Variants in ZBED6 observed in about 807,000 individuals in gnomAD.
ZBED6 encodes zinc finger BED domain-containing protein 6.
Under a neutral mutation model 58.4 loss-of-function variants are expected in ZBED6, and 40 were observed. The observed-to-expected ratio is 0.68, with a 90% CI of 0.53 to 0.89. The LOEUF is 0.89. Ranked by LOEUF, ZBED6 falls within the 40% of genes least tolerant of loss-of-function variation. ZBED6 has a pLI of 0.00. For synonymous variants in ZBED6, 439 were observed against 350.6 expected, an observed-to-expected ratio of 1.25 and a Z score of -2.82; for missense variants, 1,057 against 1,003.9, an observed-to-expected ratio of 1.05 and a Z score of -0.71.
chr1:203,851,719 TTGGGAGAC>T (rs1211739624), intron 16 of ZBED6, among the ~76,000 whole-genome samples: 1 of 152,022 alleles, frequency 6.6e-6, no homozygotes, highest in East Asian at 1.9e-4. Context: ...TCCCAACATT[TTGGGAGAC>T]TGGGGCTGGA....
At chr1:203,798,858 T>C in exon 1 of ZBED6, 2 of 1,536,120 alleles carry the variant, frequency 1.3e-6, no homozygotes, top group Non-Finnish European at 8.7e-7. Context: ...TGATTATAGG[T>C]TGCCATCAGA....
intron 1 of ZBED6, chr1:203,805,786 A>AGG: frequency 2.8e-6 from 2 of 713,814 alleles, no homozygotes; most frequent in Non-Finnish European, 2.6e-6. Flanking sequence ...CTCTGCTTCT[A>AGG]GGTTGTCTTC....
At chr1:203,814,104 A>G (rs1199066097) in intron 1 of ZBED6, among the ~76,000 whole-genome samples, 1 of 152,126 alleles carries the variant, frequency 6.6e-6, no homozygotes, top group Non-Finnish European at 1.5e-5. Flanking sequence ...GCAGCAGGAA[A>G]AGCCCAGGCT....
intron 9 of ZBED6, 36 bp downstream of exon 9, chr1:203,833,889 C>G (rs1461401790): frequency 3.2e-5 from 50 of 1,578,268 alleles, no homozygotes; most frequent in Non-Finnish European, 4.3e-5. Flanking sequence ...TTCTTTTCTA[C>G]TTGTTTGTGC....
At chr1:203,797,663 G>T in exon 1 of ZBED6, 2 of 1,535,958 alleles carry the variant, frequency 1.3e-6, no homozygotes, top group South Asian at 2.4e-5. Context: ...AGGAAAAGAT[G>T]GTAGCAGAAG....
exon 1 of ZBED6, chr1:203,800,254 G>A: frequency 8.9e-7 from 1 of 1,120,378 alleles, no homozygotes; most frequent in Non-Finnish European, 1.3e-6. Context: ...TGCCCCATGT[G>A]TAGTTGGCAA....
At chr1:203,797,864 T>C in exon 1 of ZBED6, 1 of 1,536,090 alleles carries the variant, frequency 6.5e-7, no homozygotes, top group Non-Finnish European at 8.7e-7. Context: ...AAGAAAGTCT[T>C]TTTGAGAGCA....
intron 3 of ZBED6, among the ~76,000 whole-genome samples, chr1:203,821,112 G>T (rs1678515492): frequency 6.6e-6 from 1 of 152,058 alleles, no homozygotes; most frequent in South Asian, 2.1e-4. Flanking sequence ...GATCATGGGG[G>T]CGGTTTCCCC....
intron 7 of ZBED6, among the ~76,000 whole-genome samples, chr1:203,830,925 A>ATTTTATTTT (rs1682066696): frequency 3.9e-5 from 2 of 51,352 alleles, no homozygotes; most frequent in African/African-American, 1.4e-4. Flanking sequence ...CCAACCCCCA[A>ATTTTATTTT]TTTTTTTTTT....
Position 203,816,907 on chromosome 1 carries a change from C to T in ZBED6, c.*2555-19C>T. On this transcript the variant is annotated intron_variant, in intron 1 of 16. Transcript: ENST00000550078. ...AGAATTTACCTGAAATATTTTAATT[C>T]ATTGTCTCCTCATTTTAGGATTACA... The T allele has an allele frequency of 1.9e-6, 1 of 520,202 alleles. No homozygotes were observed. Among genetic ancestry groups the T allele is most frequent in the Non-Finnish European group, 3.5e-6 (1 of 288,696 alleles). The allele number at this position is 520,202 out of a possible 1,614,324, so 32.2% of individuals were successfully genotyped here. A position where few individuals can be genotyped will look rare whatever the true frequency, so the allele number is the denominator to read the frequency against.
intron 7 of ZBED6, among the ~76,000 whole-genome samples, chr1:203,830,859 CAA>C (rs1682026758): frequency 6.7e-6 from 1 of 150,030 alleles, no homozygotes; most frequent in African/African-American, 2.5e-5. Context: ...AGTTCTTCCT[CAA>C]GAGCTGCTAG....
intron 11 of ZBED6, among the ~76,000 whole-genome samples, chr1:203,843,551 C>T (rs1687066867): frequency 6.6e-6 from 1 of 152,142 alleles, no homozygotes; most frequent in Non-Finnish European, 1.5e-5. Context: ...ATATAAATAA[C>T]TTTGCAGTCC....
chr1:203,816,855 C>T (rs771784793), intron 1 of ZBED6, 71 bp from the exon 2 acceptor site: 80 of 482,882 alleles, frequency 1.7e-4, no homozygotes, highest in Non-Finnish European at 2.8e-4. Context: ...AATACGATCT[C>T]ATTAGCCATG....
intron 7 of ZBED6, among the ~76,000 whole-genome samples, chr1:203,830,786 C>T (rs772369787): frequency 6.6e-5 from 10 of 151,630 alleles, no homozygotes; most frequent in Non-Finnish European, 1.3e-4. Context: ...TCCAGCCTGG[C>T]GACAGATCAA....
At chr1:203,806,762 G>A (rs1054511801) in intron 1 of ZBED6, among the ~76,000 whole-genome samples, 5 of 147,920 alleles carry the variant, frequency 3.4e-5, no homozygotes, top group Non-Finnish European at 7.4e-5. Context: ...GTGATTATGT[G>A]CATTTATGCT....
exon 1 of ZBED6, chr1:203,799,891 C>T (rs1669996594): frequency 1.3e-6 from 2 of 1,535,926 alleles, no homozygotes; most frequent in South Asian, 2.4e-5. Context: ...GATTTAGAAA[C>T]TTATAAGCAG....
exon 15 of ZBED6, chr1:203,850,640 A>C: frequency 6.2e-7 from 1 of 1,614,204 alleles, no homozygotes; most frequent in Non-Finnish European, 8.5e-7. Context: ...ACTCAGCTCC[A>C]GCAGTGTCCT....
At chr1:203,831,563 C>T in intron 7 of ZBED6, 98 bp from the exon 8 acceptor site, 1 of 892,662 alleles carries the variant, frequency 1.1e-6, no homozygotes, top group Non-Finnish European at 1.8e-6. Flanking sequence ...TAATATCAGT[C>T]TGTATTGGAC....
chr1:203,842,458 T>C lies in ZBED6; in HGVS notation c.*3741+2084T>C, dbSNP rs536192495. 5.9e-5 allele frequency among the ~76,000 whole-genome samples: 9 copies of C among 151,906 alleles called. No homozygotes were observed. In the East Asian group the frequency reaches 1.8e-3, roughly 30 times the overall value. On this transcript the variant is annotated intron_variant, in intron 11 of 16. Coordinates refer to ENST00000550078, the Ensembl canonical transcript of ZBED6. ...CCAAAACATGCAAACACCAGTCAAG[T>C]GTGGCGGCGCGCGCCTGCAATCCCA...
Sources: gnomAD v4.1 joint callset for allele counts (sites outside exome capture counted in the v4.1 genomes callset) on GRCh38, gnomAD v4.1.1 for gene constraint, MANE v1.5 for transcripts, NCBI Gene and HGNC (gene_info 2026-07-23, HGNC 2026-07-21) for gene names.